ANP32B: variants seen among roughly 807,000 people sequenced by gnomAD.
The protein encoded by ANP32B is acidic nuclear phosphoprotein 32 family member B, also known as acidic leucine-rich nuclear phosphoprotein 32 family member B.
Under a neutral mutation model 32.2 loss-of-function variants are expected in ANP32B, and 6 were observed. The observed-to-expected ratio is 0.19, with a 90% CI of 0.10 to 0.37. ANP32B has a LOEUF of 0.37. ANP32B is among the 10% of genes least tolerant of loss of function. The probability of loss-of-function intolerance (pLI) is 1.00; values close to 1 mark genes in which losing one functional copy is unlikely to be tolerated. For synonymous variants in ANP32B, 98 were observed against 105.8 expected (o/e 0.93, Z 0.45); for missense variants, 204 against 289.2 (o/e 0.71, Z 2.14).
At chr9:98,005,283 G>T (rs932255209) in intron 4 of ANP32B, 130 bp downstream of exon 4, 17 of 791,380 alleles carry the variant, frequency 2.1e-5, no homozygotes, top group Admixed American at 1.2e-4. Context: ...GAGGCAGGGG[G>T]CATTGCTTGA....
At chr9:98,009,752 C>A (rs1445885369) in intron 4 of ANP32B, among the ~76,000 whole-genome samples, 4 of 152,250 alleles carry the variant, frequency 2.6e-5, no homozygotes, top group Non-Finnish European at 5.9e-5. Context: ...GTTTTCACAT[C>A]AGTCAGCATG....
intron 4 of ANP32B, chr9:98,005,393 G>C (rs1828063487): frequency 3.6e-6 from 1 of 278,252 alleles, no homozygotes; most frequent in Non-Finnish European, 6.9e-6. Context: ...CGCACACCTG[G>C]AGTCTTAGCT....
intron 4 of ANP32B, among the ~76,000 whole-genome samples, chr9:98,008,955 C>T (rs1047181772): frequency 2.2e-4 from 33 of 152,110 alleles, no homozygotes; most frequent in African/African-American, 6.8e-4. Flanking sequence ...GGTTGAGGAC[C>T]GCTGTCCTAC....
intron 1 of ANP32B, among the ~76,000 whole-genome samples, chr9:97,984,064 A>C (rs1827652523): frequency 3.4e-5 from 5 of 149,098 alleles, no homozygotes; most frequent in African/African-American, 4.9e-5. Context: ...CGGCCGGGGA[A>C]GGGGCGCGGG....
chr9:97,998,427 C>G lies in ANP32B; in HGVS notation c.205-129C>G. 11 of 1,009,770 alleles carry G rather than the reference C, an allele frequency of 1.1e-5. No homozygotes were observed. In the South Asian group the frequency reaches 2.1e-4, roughly 19 times the overall value. The allele number at this position is 1,009,770 out of a possible 1,614,324, so 62.6% of individuals were successfully genotyped here. On this transcript the variant is annotated intron_variant, in intron 2 of 6. Coordinates refer to ENST00000339399, the MANE Select transcript of ANP32B (RefSeq NM_006401.3). ...TTTAAACAAAATGAACATGCATGCCCTAATAGAAATAGGGATCATTTGATC... is the reference window on the plus strand; with the variant it reads ...TTTAAACAAAATGAACATGCATGCCGTAATAGAAATAGGGATCATTTGATC...
chr9:98,010,576 G>A (rs906353056), intron 4 of ANP32B, among the ~76,000 whole-genome samples: 4 of 152,108 alleles, frequency 2.6e-5, no homozygotes, highest in Non-Finnish European at 2.9e-5. Flanking sequence ...TGTTGACTGA[G>A]ACTCCAAGGT....
intron 1 of ANP32B, among the ~76,000 whole-genome samples, chr9:97,992,690 C>T (rs888007498): frequency 6.6e-6 from 1 of 152,114 alleles, no homozygotes; most frequent in African/African-American, 2.4e-5. Flanking sequence ...TGATGACAGT[C>T]GACCTTTTTA....
At chr9:98,002,799 T>C in intron 3 of ANP32B, among the ~76,000 whole-genome samples, 1 of 152,220 alleles carries the variant, frequency 6.6e-6, no homozygotes, top group East Asian at 1.9e-4. Context: ...GAAAGGGCTT[T>C]TGGTATTAAA....
intron 1 of ANP32B, among the ~76,000 whole-genome samples, chr9:97,993,145 G>A (rs1445668497): frequency 2.6e-5 from 4 of 152,342 alleles, no homozygotes; most frequent in African/African-American, 2.4e-5. Context: ...TGGATGTAAA[G>A]AGTAAAAAGG....
intron 3 of ANP32B, among the ~76,000 whole-genome samples, chr9:98,002,124 G>C (rs763258302): frequency 3.3e-5 from 5 of 152,226 alleles, no homozygotes; most frequent in Non-Finnish European, 5.9e-5. Flanking sequence ...AAGGGGGGAA[G>C]AGTTGGGTCC....
At position 98,015,406 on chromosome 9, in the gene ANP32B, C is replaced by G. The variant is rs1169708902; in HGVS notation, c.731C>G (p.Thr244Arg). 6.5e-7 allele frequency: 1 copy of G among 1,549,404 alleles called. No individual in the cohort carries two copies. Among genetic ancestry groups the G allele is most frequent in the East Asian group, 2.4e-5 (1 of 40,864 alleles). ...AAAGGTGAAAAGAGGAAGAGAGAAACAGATGATGAAGGAGAAGATGATTAA... is the reference window on the plus strand; with the variant it reads ...AAAGGTGAAAAGAGGAAGAGAGAAAGAGATGATGAAGGAGAAGATGATTAA... ...GGKGEKRKRETDDEGEDD is the reference protein window; with the variant it reads ...GGKGEKRKRERDDEGEDD Residue 244 changes from threonine (T) to arginine (R), a missense_variant, in exon 7 of 7, where the codon ACA (threonine) becomes AGA (arginine). Coordinates refer to ENST00000339399, the MANE Select transcript of ANP32B (RefSeq NM_006401.3).
chr9:97,992,001 C>T (rs568713139), intron 1 of ANP32B, among the ~76,000 whole-genome samples: 1 of 152,150 alleles, frequency 6.6e-6, no homozygotes, highest in Admixed American at 6.5e-5. Context: ...TTCCTCATTC[C>T]GCAGTTATGT....
At chr9:97,994,845 C>T (rs1827880131) in intron 2 of ANP32B, 65 bp downstream of exon 2, 2 of 1,482,436 alleles carry the variant, frequency 1.3e-6, no homozygotes, top group Non-Finnish European at 1.8e-6. Flanking sequence ...ATGATTTTAC[C>T]TGTAAGGAAG....
At chr9:97,983,742 A>G in intron 1 of ANP32B, 133 bp downstream of exon 1, 1 of 640,018 alleles carries the variant, frequency 1.6e-6, no homozygotes, top group African/African-American at 1.9e-5. Flanking sequence ...CGGACGGGGA[A>G]GGCGGGCGGG....
chr9:97,993,579 TGTG>T (rs1827861863), intron 1 of ANP32B, among the ~76,000 whole-genome samples: 5 of 152,194 alleles, frequency 3.3e-5, no homozygotes, highest in Admixed American at 3.3e-4. Context: ...TATGGATTAT[TGTG>T]GTGGATCTGC....
At position 98,012,965 on chromosome 9, in the gene ANP32B, C is replaced by G. The variant is rs184425647; in HGVS notation, c.688+493C>G. On this transcript the variant is annotated intron_variant, in intron 6 of 6. Transcript: ENST00000339399. Reference sequence around the variant, plus strand: ...CAGGATGGTCTCAATCTCCTGACCTCGTGGTCCACCCGCCTCAGCCTCCCA... The same window carrying G: ...CAGGATGGTCTCAATCTCCTGACCTGGTGGTCCACCCGCCTCAGCCTCCCA... Among the ~76,000 whole-genome samples, 455 of 152,280 alleles carry G rather than the reference C, an allele frequency of 3.0e-3. 4 individuals are homozygous for G. The highest frequency in any genetic ancestry group is 0.011 in the African/African-American group (438 of 41,556).
chr9:98,009,553 C>A (rs1828144588), intron 4 of ANP32B, among the ~76,000 whole-genome samples: 1 of 152,218 alleles, frequency 6.6e-6, no homozygotes, highest in South Asian at 2.1e-4. Context: ...AGTCCAGATC[C>A]CTCACATGCG....
chr9:97,985,142 G>A (rs1827694891), intron 1 of ANP32B, among the ~76,000 whole-genome samples: 3 of 151,098 alleles, frequency 2.0e-5, no homozygotes, highest in South Asian at 4.2e-4. Context: ...TGGCTTTCCC[G>A]CGGAGGGCGG....
At chr9:98,004,826 G>T in intron 3 of ANP32B, 138 bp from the exon 4 acceptor site, 1 of 581,174 alleles carries the variant, frequency 1.7e-6, no homozygotes, top group Non-Finnish European at 2.9e-6. Flanking sequence ...CAAAAGACTT[G>T]ATGTATTTTT....
Sources: gnomAD v4.1 joint callset for allele counts (sites outside exome capture counted in the v4.1 genomes callset) on GRCh38, gnomAD v4.1.1 for gene constraint, MANE v1.5 for transcripts, NCBI Gene and HGNC (gene_info 2026-07-23, HGNC 2026-07-21) for gene names.